Variants in ABCC4 observed in about 807,000 individuals in gnomAD.
ABCC4 encodes the protein ATP binding cassette subfamily C member 4 (PEL blood group), also known as ATP-binding cassette sub-family C member 4.
In ABCC4, 102 loss-of-function variants were observed where a neutral mutation model predicts 168.5. That is an observed-to-expected ratio of 0.61 (90% CI 0.52 to 0.71). The LOEUF is 0.71. Among genes scored for constraint, ABCC4 ranks in the 30% least tolerant of loss-of-function variants. The pLI, the probability that ABCC4 is intolerant of heterozygous loss-of-function variation, is 0.00. For synonymous variants in ABCC4, 617 were observed against 590.7 expected (o/e 1.04, Z -0.65); for missense variants, 1,402 against 1,605.8 (o/e 0.87, Z 2.17).
intron 8 of ABCC4, among the ~76,000 whole-genome samples, chr13:95,205,381 G>T (rs1273656248): frequency 6.6e-6 from 1 of 152,162 alleles, no homozygotes. Context: ...CACAGCCAGT[G>T]TCAGCTAAGT....
chr13:95,046,049 A>C (rs1368691996), intron 27 of ABCC4, among the ~76,000 whole-genome samples: 1 of 152,196 alleles, frequency 6.6e-6, no homozygotes, highest in Non-Finnish European at 1.5e-5. Context: ...TACCCTGAAA[A>C]TTATAGGATG....
intron 20 of ABCC4, among the ~76,000 whole-genome samples, chr13:95,092,509 A>T (rs575145168): frequency 2.0e-5 from 3 of 152,306 alleles, no homozygotes; most frequent in Admixed American, 6.5e-5. Flanking sequence ...GATGGAAATT[A>T]AAAAATATTT....
At chr13:95,286,123 C>CTTTTTTTTTTTTTTTTTTTTTT (rs773328777) in intron 1 of ABCC4, among the ~76,000 whole-genome samples, 7 of 105,522 alleles carry the variant, frequency 6.6e-5, no homozygotes, top group Non-Finnish European at 1.3e-4. Flanking sequence ...TCCAGAAAAA[C>CTTTTTTTTTTTTTTTTTTTTTT]TTTTTTTTTT....
At chr13:95,046,504 C>A (rs2032585740) in intron 27 of ABCC4, among the ~76,000 whole-genome samples, 1 of 152,264 alleles carries the variant, frequency 6.6e-6, no homozygotes, top group East Asian at 1.9e-4. Context: ...GTGGCTCATG[C>A]CTGTAATCCC....
intron 4 of ABCC4, among the ~76,000 whole-genome samples, chr13:95,227,771 C>T (rs926191454): frequency 1.3e-5 from 2 of 152,090 alleles, no homozygotes; most frequent in African/African-American, 2.4e-5. Context: ...TGCGGTGGCA[C>T]GGATCTCAGC....
At chr13:95,201,639 G>A (rs890084225) in intron 8 of ABCC4, among the ~76,000 whole-genome samples, 2 of 152,150 alleles carry the variant, frequency 1.3e-5, no homozygotes, top group South Asian at 2.1e-4. Flanking sequence ...TGAGGACAAA[G>A]TCACGTATGG....
At chr13:95,149,419 G>A (rs1165140060) in intron 19 of ABCC4, among the ~76,000 whole-genome samples, 4 of 152,008 alleles carry the variant, frequency 2.6e-5, no homozygotes, top group African/African-American at 4.8e-5. Context: ...ATTTATATTC[G>A]CATGGGATAA....
At chr13:95,188,323 A>G in intron 10 of ABCC4, 130 bp downstream of exon 10, 1 of 807,410 alleles carries the variant, frequency 1.2e-6, no homozygotes, top group Non-Finnish European at 2.2e-6. Flanking sequence ...CGAATGTTCC[A>G]TGCACTGAGA....
At chr13:95,292,220 A>G (rs752431641) in intron 1 of ABCC4, among the ~76,000 whole-genome samples, 15 of 152,194 alleles carry the variant, frequency 9.9e-5, no homozygotes, top group Admixed American at 2.0e-4. Flanking sequence ...TTAGCTGGGC[A>G]TGCTGGCACA....
chr13:95,286,676 G>T (rs1426262227), intron 1 of ABCC4, among the ~76,000 whole-genome samples: 1 of 152,004 alleles, frequency 6.6e-6, no homozygotes, highest in African/African-American at 2.4e-5. Context: ...AGTGTATAAG[G>T]CCGGGCGCGG....
At chr13:95,240,745 C>T (rs962900868) in intron 3 of ABCC4, among the ~76,000 whole-genome samples, 1 of 150,496 alleles carries the variant, frequency 6.6e-6, no homozygotes. Flanking sequence ...CCGAGGCAGA[C>T]GAATCACTTG....
intron 1 of ABCC4, among the ~76,000 whole-genome samples, chr13:95,288,848 T>C (rs1194285146): frequency 4.6e-5 from 7 of 152,218 alleles, no homozygotes; most frequent in Non-Finnish European, 1.0e-4. Flanking sequence ...ACTAGGAACT[T>C]ACATATACAA....
Position 95,206,788 on chromosome 13 carries a change from G to C in ABCC4, c.912-7C>G. ...AATCTTGGAAATCTCCTTCCTGAAA[G>C]AGAGTACAGGTTTTTAAAAAAGCAG... On this transcript the variant is annotated splice_region_variant and splice_polypyrimidine_tract_variant and intron_variant, in intron 7 of 30. Coordinates refer to ENST00000645237, the MANE Select transcript of ABCC4 (RefSeq NM_005845.5). 1.9e-6 allele frequency: 3 copies of C among 1,613,734 alleles called. No homozygotes were observed. The highest frequency in any genetic ancestry group is 2.5e-6 in the Non-Finnish European group (3 of 1,179,728).
intron 30 of ABCC4, among the ~76,000 whole-genome samples, chr13:95,031,237 T>A (rs2031862855): frequency 6.6e-6 from 1 of 152,230 alleles, no homozygotes; most frequent in Non-Finnish European, 1.5e-5. Context: ...AGCTGTGTAT[T>A]TCCTTATGTC....
At chr13:95,155,332 C>T (rs74741609) in intron 19 of ABCC4, among the ~76,000 whole-genome samples, 10,659 of 152,006 alleles carry the variant, frequency 0.07, 488 homozygotes, top group South Asian at 0.13. Context: ...GGGACTACAA[C>T]CACGCCTGGC....
rs1352626448 is a variant in ABCC4 at position 95,083,222 on chromosome 13, C to A, written c.2604G>T (p.Leu868Phe). Reference protein sequence around the residue: ...VAVIPWIAIPLVPLGIIFIFL... With the variant: ...VAVIPWIAIPFVPLGIIFIFL... ...AAATGAAAATGATTCCAAGGGGAACCAAGGGTATTGCGATCCAAGGAATCA... is the reference window on the plus strand; with the variant it reads ...AAATGAAAATGATTCCAAGGGGAACAAAGGGTATTGCGATCCAAGGAATCA... The change falls in exon 21 of 31, where the codon TTG (leucine) becomes TTT (phenylalanine). Residue 868 changes from leucine to phenylalanine, a missense_variant. Leu to Phe is a conservative substitution (Grantham distance 22). Around this residue, in one of 3 missense-constraint regions of ABCC4, gnomAD observed 1,007 missense variants for 1,127.3 expected, o/e 0.89. Transcript: ENST00000645237. 2 of 1,613,698 alleles carry A rather than the reference C, an allele frequency of 1.2e-6. No homozygotes were observed. The highest frequency in any genetic ancestry group is 2.2e-5 in the East Asian group (1 of 44,852).
chr13:95,120,168 T>C (rs2035515445), intron 19 of ABCC4, among the ~76,000 whole-genome samples: 1 of 152,182 alleles, frequency 6.6e-6, no homozygotes, highest in African/African-American at 2.4e-5. Context: ...ACCTTGAAGG[T>C]AAAAGTAGAT....
chr13:95,036,747 T>A (rs934321108), intron 29 of ABCC4, among the ~76,000 whole-genome samples: 3 of 152,014 alleles, frequency 2.0e-5, no homozygotes, highest in African/African-American at 7.2e-5. Flanking sequence ...TTAAAAAATA[T>A]AAAATAAAAC....
chr13:95,120,967 C>A (rs1294465197), intron 19 of ABCC4, among the ~76,000 whole-genome samples: 5 of 152,132 alleles, frequency 3.3e-5, no homozygotes, highest in Non-Finnish European at 7.3e-5. Context: ...GATGGGCCAG[C>A]CTGGACATCC....
Sources: allele counts gnomAD v4.1 joint callset (sites outside exome capture counted in the v4.1 genomes callset), GRCh38; gene constraint gnomAD v4.1.1; regional missense constraint gnomAD v4.1.1; transcripts MANE v1.5; gene names NCBI Gene and HGNC (gene_info 2026-07-23, HGNC 2026-07-21).